The following SRPK1 variants were observed in gnomAD, a reference collection of about 807,000 sequenced individuals.
SRPK1 encodes SFRS protein kinase 1.
SRPK1 carries 52 observed loss-of-function variants against 89.5 expected under a neutral mutation model. That is an observed-to-expected ratio of 0.58 (90% CI 0.46 to 0.73). The LOEUF (loss-of-function observed/expected upper bound fraction) is 0.73, where lower values mean the gene tolerates loss of function less well. Among genes scored for constraint, SRPK1 ranks in the 30% least tolerant of loss-of-function variants. The pLI is 0.00. For synonymous variants in SRPK1, 255 were observed against 270.2 expected (o/e 0.94, Z 0.55); for missense variants, 603 against 780.6 (o/e 0.77, Z 2.71).
intron 2 of SRPK1, among the ~76,000 whole-genome samples, chr6:35,908,790 A>T (rs1770901209): frequency 1.3e-5 from 2 of 152,136 alleles, no homozygotes; most frequent in Non-Finnish European, 2.9e-5. Context: ...CTCATCACAG[A>T]CTCAGAGGCT....
At chr6:35,843,926 G>A (rs1769372465) in intron 13 of SRPK1, among the ~76,000 whole-genome samples, 1 of 150,190 alleles carries the variant, frequency 6.7e-6, no homozygotes. Flanking sequence ...GGGAATAAGT[G>A]CCATGCAGAA....
chr6:35,917,078 AAACAAAAACAG>A (rs949824669), intron 2 of SRPK1, among the ~76,000 whole-genome samples: 2 of 151,950 alleles, frequency 1.3e-5, no homozygotes, highest in African/African-American at 4.8e-5. Context: ...AAACAAAACA[AAACAAAAACAG>A]ACACACACTG....
intron 2 of SRPK1, among the ~76,000 whole-genome samples, chr6:35,896,975 A>T (rs1770638571): frequency 6.6e-6 from 1 of 152,230 alleles, no homozygotes. Context: ...ACATAATCCT[A>T]AGATTTTATT....
intron 6 of SRPK1, among the ~76,000 whole-genome samples, chr6:35,877,717 C>A (rs532697806): frequency 6.6e-6 from 1 of 152,120 alleles, no homozygotes; most frequent in South Asian, 2.1e-4. Context: ...GTGGCGCGTG[C>A]CTGTAGTCCC....
intron 13 of SRPK1, among the ~76,000 whole-genome samples, chr6:35,850,175 T>C (rs1769523452): frequency 1.3e-5 from 2 of 152,272 alleles, no homozygotes; most frequent in East Asian, 1.9e-4. Context: ...TCGTACCTCA[T>C]TTCTGTTACT....
At chr6:35,855,013 T>G (rs138107025) in intron 13 of SRPK1, among the ~76,000 whole-genome samples, 30 of 152,204 alleles carry the variant, frequency 2.0e-4, no homozygotes, top group African/African-American at 6.5e-4. Flanking sequence ...TACAGACCAA[T>G]GATATGGGCC....
At chr6:35,859,360 C>T (rs952886560) in intron 12 of SRPK1, among the ~76,000 whole-genome samples, 1 of 152,000 alleles carries the variant, frequency 6.6e-6, no homozygotes, top group Non-Finnish European at 1.5e-5. Context: ...ACTGTCTCCC[C>T]CACTGTGTAC....
chr6:35,846,542 T>A (rs1769430284), intron 13 of SRPK1, among the ~76,000 whole-genome samples: 1 of 138,542 alleles, frequency 7.2e-6, no homozygotes, highest in Non-Finnish European at 1.5e-5. Flanking sequence ...CATGACAGAG[T>A]GAGACTGTGT....
chr6:35,885,296 C>G lies in SRPK1; in HGVS notation c.478+1428G>C, dbSNP rs530168482. Among the ~76,000 whole-genome samples the G allele has an allele frequency of 1.8e-3, 222 of 123,836 alleles. 1 individual carries two copies. Among genetic ancestry groups the G allele is most frequent in the Middle Eastern group, 3.9e-3 (1 of 256 alleles). The allele number at this position is 123,836 out of a possible 152,430, so 81.2% of individuals were successfully genotyped here. A position where few individuals can be genotyped will look rare whatever the true frequency, so the allele number is the denominator to read the frequency against. ...ACACACACACACACACACACACACA[C>G]ACAGAGAGAGAGAGAGAGAGAGAGA... On this transcript the variant is annotated intron_variant, in intron 6 of 15. Coordinates refer to ENST00000373825, the MANE Select transcript of SRPK1 (RefSeq NM_003137.5).
chr6:35,858,474 A>C lies in SRPK1; in HGVS notation c.1513-1106T>G, dbSNP rs368410898. ...CTATGAAATTATCTTACAGACTTCCACTGGGGGAAAAGTTTCATATAAAGA... is the reference window on the plus strand; with the variant it reads ...CTATGAAATTATCTTACAGACTTCCCCTGGGGGAAAAGTTTCATATAAAGA... On this transcript the variant is annotated intron_variant, in intron 12 of 15. Coordinates refer to ENST00000373825, the MANE Select transcript of SRPK1 (RefSeq NM_003137.5). 5.9e-5 allele frequency among the ~76,000 whole-genome samples: 8 copies of C among 135,650 alleles called. No homozygotes were observed. In the South Asian group the frequency reaches 1.6e-3, roughly 27 times the overall value. 89.0% of individuals were successfully genotyped at this position (135,650 alleles called of 152,430 possible).
At chr6:35,891,659 G>T (rs1770520360) in intron 2 of SRPK1, among the ~76,000 whole-genome samples, 2 of 151,512 alleles carry the variant, frequency 1.3e-5, no homozygotes, top group South Asian at 2.1e-4. Flanking sequence ...CCCGGGAAGT[G>T]GAGGCTACGG....
chr6:35,910,147 C>T (rs1415020842), intron 2 of SRPK1, among the ~76,000 whole-genome samples: 1 of 152,120 alleles, frequency 6.6e-6, no homozygotes, highest in Non-Finnish European at 1.5e-5. Context: ...CCGCACCCGA[C>T]TAATTTTGTA....
intron 6 of SRPK1, among the ~76,000 whole-genome samples, chr6:35,881,029 G>A (rs2395641): frequency 0.27 from 41,636 of 151,790 alleles, 6,094 homozygotes; most frequent in South Asian, 0.41. Flanking sequence ...AGGCCAGAAA[G>A]CAGTGGGCCA....
At chr6:35,920,407 C>G (rs1581606204) in intron 2 of SRPK1, 61 bp downstream of exon 2, 18 of 1,589,092 alleles carry the variant, frequency 1.1e-5, no homozygotes, top group South Asian at 5.5e-5. Flanking sequence ...GACGTGAAAC[C>G]AGAGCAGAGA....
At chr6:35,861,409 A>C (rs1405612907) in intron 12 of SRPK1, among the ~76,000 whole-genome samples, 1 of 152,190 alleles carries the variant, frequency 6.6e-6, no homozygotes, top group Non-Finnish European at 1.5e-5. Flanking sequence ...TCTGAGTCTA[A>C]GCGGCTTCAG....
At chr6:35,913,273 CAA>C (rs1771012372) in intron 2 of SRPK1, among the ~76,000 whole-genome samples, 2 of 152,222 alleles carry the variant, frequency 1.3e-5, no homozygotes, top group South Asian at 2.1e-4. Context: ...TATTTTCTGA[CAA>C]GAGAAGTTCT....
At chr6:35,892,121 C>T (rs1343013778) in intron 2 of SRPK1, among the ~76,000 whole-genome samples, 1 of 152,206 alleles carries the variant, frequency 6.6e-6, no homozygotes, top group Non-Finnish European at 1.5e-5. Flanking sequence ...CCCCACCAGC[C>T]ACACATGGGC....
chr6:35,866,130 A>C (rs1769897458), intron 12 of SRPK1, among the ~76,000 whole-genome samples: 1 of 152,234 alleles, frequency 6.6e-6, no homozygotes. Context: ...ATCACTAACC[A>C]GCAGAGAAAT....
At chr6:35,899,723 C>T (rs1208284153) in intron 2 of SRPK1, among the ~76,000 whole-genome samples, 5 of 152,004 alleles carry the variant, frequency 3.3e-5, no homozygotes, top group South Asian at 2.1e-4. Context: ...CCTTTGGGGC[C>T]GGGCACGGTG....
Sources: allele counts gnomAD v4.1 joint callset (sites outside exome capture counted in the v4.1 genomes callset), GRCh38; gene constraint gnomAD v4.1.1; transcripts MANE v1.5; gene names NCBI Gene and HGNC (gene_info 2026-07-23, HGNC 2026-07-21).